Variants in SAMD12 observed in about 807,000 individuals in gnomAD.
SAMD12 encodes the protein sterile alpha motif domain-containing protein 12.
A neutral mutation model predicts 15.0 loss-of-function variants in SAMD12; 9 were observed. The observed-to-expected ratio is 0.60, with a 90% CI of 0.36 to 1.05. The LOEUF (loss-of-function observed/expected upper bound fraction) is 1.05. Ranked by LOEUF, SAMD12 falls within the 50% of genes least tolerant of loss-of-function variation. The probability of loss-of-function intolerance (pLI) is 0.01; values close to 1 mark genes in which losing one functional copy is unlikely to be tolerated. For synonymous variants in SAMD12, 86 were observed against 90.1 expected, an observed-to-expected ratio of 0.96 and a Z score of 0.25; for missense variants, 230 against 234.2, an observed-to-expected ratio of 0.98 and a Z score of 0.12.
intron 4 of SAMD12, among the ~76,000 whole-genome samples, chr8:118,369,609 G>T (rs1200937699): frequency 6.6e-6 from 1 of 152,090 alleles, no homozygotes; most frequent in Non-Finnish European, 1.5e-5. Context: ...CAGCTACTCA[G>T]GAGGTTGAAG....
At chr8:118,616,898 T>G (rs78650473) in intron 1 of SAMD12, among the ~76,000 whole-genome samples, 1 of 152,180 alleles carries the variant, frequency 6.6e-6, no homozygotes, top group Admixed American at 6.5e-5. Flanking sequence ...ACTGCACATG[T>G]GAGAGATCTA....
intron 2 of SAMD12, among the ~76,000 whole-genome samples, chr8:118,551,625 G>C (rs1280113419): frequency 6.6e-6 from 1 of 151,632 alleles, no homozygotes; most frequent in Non-Finnish European, 1.5e-5. Flanking sequence ...AACTAGAAAA[G>C]CAAGAGCAAA....
intron 4 of SAMD12, among the ~76,000 whole-genome samples, chr8:118,223,274 T>C (rs954694922): frequency 1.3e-5 from 2 of 152,166 alleles, no homozygotes; most frequent in African/African-American, 4.8e-5. Flanking sequence ...CACTTTCTTT[T>C]TCAGCTTTCA....
chr8:118,582,254 G>C (rs193220900), intron 1 of SAMD12, among the ~76,000 whole-genome samples: 1 of 152,052 alleles, frequency 6.6e-6, no homozygotes, highest in Non-Finnish European at 1.5e-5. Flanking sequence ...CCTTTCTTAT[G>C]AATGTCAGAC....
chr8:118,194,967 A>G (rs1819517045), exon 5 of SAMD12: 1 of 152,244 alleles, frequency 6.6e-6, no homozygotes, highest in South Asian at 2.1e-4. Context: ...ATAGTAGTTC[A>G]TATGCAAATA....
intron 4 of SAMD12, among the ~76,000 whole-genome samples, chr8:118,288,756 T>C (rs1168437361): frequency 6.6e-6 from 1 of 152,338 alleles, no homozygotes; most frequent in East Asian, 1.9e-4. Flanking sequence ...ATACGATTAC[T>C]AACAGCATTC....
chr8:118,619,609 C>A (rs938909443), intron 1 of SAMD12, among the ~76,000 whole-genome samples: 4 of 152,060 alleles, frequency 2.6e-5, no homozygotes, highest in Non-Finnish European at 5.9e-5. Context: ...AATATATTTG[C>A]CATGCAATTC....
intron 4 of SAMD12, among the ~76,000 whole-genome samples, chr8:118,215,465 C>CTTTCT (rs943664217): frequency 6.3e-5 from 6 of 95,778 alleles, no homozygotes; most frequent in African/African-American, 2.0e-4. Context: ...TCATTGAGTG[C>CTTTCT]TTTTTTTTTT....
chr8:118,562,819 T>C (rs1826745038), intron 2 of SAMD12, among the ~76,000 whole-genome samples: 1 of 152,200 alleles, frequency 6.6e-6, no homozygotes, highest in African/African-American at 2.4e-5. Context: ...CCTTTTGATG[T>C]TGCCCTTTGA....
rs78258887 is a variant in SAMD12, at chr8:118,543,782, T to A, written c.192+36933A>T. Among the ~76,000 whole-genome samples, 701 of 152,218 alleles carry A rather than the reference T, an allele frequency of 4.6e-3. 4 individuals are homozygous for A. Among genetic ancestry groups the A allele is most frequent in the African/African-American group, 0.016 (646 of 41,516 alleles). ...ACCAATAAAGTCTTCCTTCAGAATA[T>A]ATATTTGCATTAATTCCTCACTCCC... On this transcript the variant is annotated intron_variant, in intron 2 of 3. Coordinates refer to ENST00000314727, the MANE Select transcript of SAMD12 (RefSeq NM_207506.3).
chr8:118,139,903 A>C, the SAMD12 span, among the ~76,000 whole-genome samples: 1 of 152,300 alleles, frequency 6.6e-6, no homozygotes, highest in Non-Finnish European at 1.5e-5. Context: ...ATTTTCCAGC[A>C]GCTCTGGAGT....
At chr8:118,198,260 G>A (rs572045039) in intron 4 of SAMD12, among the ~76,000 whole-genome samples, 2 of 152,316 alleles carry the variant, frequency 1.3e-5, no homozygotes, top group African/African-American at 4.8e-5. Flanking sequence ...GAAGGTTAGA[G>A]ACTAGATAGA....
intron 2 of SAMD12, among the ~76,000 whole-genome samples, chr8:118,474,011 T>C (rs772770461): frequency 2.0e-5 from 3 of 152,224 alleles, no homozygotes; most frequent in Admixed American, 1.3e-4. Flanking sequence ...CAGGCTGGAA[T>C]TCAGTGGTGT....
chr8:118,388,508 T>C (rs1030646284), intron 3 of SAMD12, among the ~76,000 whole-genome samples: 8 of 152,182 alleles, frequency 5.3e-5, no homozygotes, highest in Non-Finnish European at 1.0e-4. Context: ...TAGAGTACTA[T>C]ATAATTTTCT....
chr8:118,371,184 A>G (rs2130680337), intron 4 of SAMD12, among the ~76,000 whole-genome samples: 1 of 152,276 alleles, frequency 6.6e-6, no homozygotes, highest in East Asian at 1.9e-4. Context: ...AAATGCCTAG[A>G]ATGGCTGTGC....
intron 4 of SAMD12, among the ~76,000 whole-genome samples, chr8:118,319,763 T>C (rs1442453739): frequency 6.6e-6 from 1 of 152,162 alleles, no homozygotes; most frequent in Non-Finnish European, 1.5e-5. Context: ...AAGAGGCTGA[T>C]GGCAATAATC....
intron 4 of SAMD12, among the ~76,000 whole-genome samples, chr8:118,202,878 G>T (rs902782617): frequency 3.3e-5 from 5 of 152,208 alleles, no homozygotes; most frequent in African/African-American, 1.2e-4. Flanking sequence ...TGCCCCAGCA[G>T]AATAGCCAAT....
Position 118,285,640 on chromosome 8 carries a change from T to C in SAMD12, c.434-87908A>G, listed in dbSNP as rs151249369. Reference sequence around the variant, plus strand: ...AAATGGACATGGGCTTTGGAAATAATGGGGCTCAGTTTCAATACCAGATCT... The same window carrying C: ...AAATGGACATGGGCTTTGGAAATAACGGGGCTCAGTTTCAATACCAGATCT... On this transcript the variant is annotated intron_variant, in intron 4 of 4. Transcript: ENST00000409003. 6.6e-3 allele frequency among the ~76,000 whole-genome samples: 1,010 copies of C among 152,266 alleles called. 14 individuals carry two copies. The highest frequency in any genetic ancestry group is 0.023 in the African/African-American group (963 of 41,552).
At chr8:118,501,346 C>G (rs1247354298) in intron 2 of SAMD12, among the ~76,000 whole-genome samples, 1 of 152,142 alleles carries the variant, frequency 6.6e-6, no homozygotes, top group Admixed American at 6.5e-5. Flanking sequence ...GGAAATAAGT[C>G]TGTGATGTAA....
Sources: gnomAD v4.1 joint callset for allele counts (sites outside exome capture counted in the v4.1 genomes callset) on GRCh38, gnomAD v4.1.1 for gene constraint, MANE v1.5 for transcripts, NCBI Gene and HGNC (gene_info 2026-07-23, HGNC 2026-07-21) for gene names.